The following CYFIP2 variants were observed in gnomAD, a reference collection of about 807,000 sequenced individuals.
The protein encoded by CYFIP2 is cytoplasmic FMR1 interacting protein 2, also known as cytoplasmic FMR1-interacting protein 2.
A neutral mutation model predicts 158.7 loss-of-function variants in CYFIP2; 29 were observed. The ratio of observed to expected loss-of-function variants is 0.18; its 90% CI spans 0.14 to 0.25. CYFIP2 has a LOEUF of 0.25. CYFIP2 is among the 10% of genes least tolerant of loss of function. CYFIP2 has a pLI of 1.00. For missense variants in CYFIP2, 852 were observed against 1,639.5 expected, an observed-to-expected ratio of 0.52 and a Z score of 8.29; for synonymous variants, 585 against 617.6, an observed-to-expected ratio of 0.95 and a Z score of 0.78.
rs901751779 is a variant in CYFIP2 at position 157,382,791 on chromosome 5, C to T, written c.3112+129C>T. ...AAGCTTTGGACACCTATTGAATAGC[C>T]ACAGAATCACAAATTGGAAGATGGA... On this transcript the variant is annotated intron_variant, in intron 27 of 30. Coordinates refer to ENST00000620254, the MANE Select transcript of CYFIP2 (RefSeq NM_001037333.3). 7.5e-6 allele frequency: 7 copies of T among 932,676 alleles called. No individual in the cohort carries two copies. In the African/African-American group the frequency reaches 8.3e-5, roughly 11 times the overall value. 57.8% of individuals were successfully genotyped at this position (932,676 alleles called of 1,614,324 possible). A position where few individuals can be genotyped will look rare whatever the true frequency, so the allele number is the denominator to read the frequency against.
intron 26 of CYFIP2, among the ~76,000 whole-genome samples, chr5:157,374,242 G>A (rs567446521): frequency 6.6e-6 from 1 of 152,130 alleles, no homozygotes; most frequent in Admixed American, 6.5e-5. Context: ...GTGACCCCAG[G>A]GCCATCACTA....
intron 3 of CYFIP2, 99 bp from the exon 4 acceptor site, chr5:157,294,684 G>T: frequency 2.2e-6 from 2 of 904,182 alleles, no homozygotes; most frequent in Non-Finnish European, 1.8e-6. Context: ...CATGCTGTGG[G>T]TCCATGGACC....
At chr5:157,343,218 C>T (rs1561747866) in intron 23 of CYFIP2, 2 of 1,614,138 alleles carry the variant, frequency 1.2e-6, no homozygotes, top group East Asian at 2.2e-5. Flanking sequence ...TGGGGGTCTA[C>T]CAGGGAGCTT....
chr5:157,331,007 T>C (rs535611500), intron 20 of CYFIP2, among the ~76,000 whole-genome samples, 157 bp downstream of exon 20: 1 of 152,310 alleles, frequency 6.6e-6, no homozygotes, highest in South Asian at 2.1e-4. Context: ...CAGGATCTCA[T>C]AAACAATAAA....
At chr5:157,342,791 C>T in intron 23 of CYFIP2, 3 of 1,438,966 alleles carry the variant, frequency 2.1e-6, no homozygotes, top group South Asian at 1.3e-5. Context: ...AGTCTATAGA[C>T]ACATTTGTAC....
intron 15 of CYFIP2, among the ~76,000 whole-genome samples, chr5:157,321,150 G>A (rs996189299): frequency 6.6e-6 from 1 of 152,228 alleles, no homozygotes; most frequent in African/African-American, 2.4e-5. Context: ...TTCCAAAGTG[G>A]AGGAGGAGGT....
chr5:157,289,194 G>A (rs573524368), intron 3 of CYFIP2, among the ~76,000 whole-genome samples: 2 of 152,248 alleles, frequency 1.3e-5, no homozygotes, highest in African/African-American at 2.4e-5. Flanking sequence ...CTCCTGTTCC[G>A]TGCTGTCTCA....
At chr5:157,273,545 G>C (rs1186261421) in intron 1 of CYFIP2, among the ~76,000 whole-genome samples, 1 of 152,132 alleles carries the variant, frequency 6.6e-6, no homozygotes, top group East Asian at 1.9e-4. Context: ...GCCCTGTATG[G>C]TCTAGTTCAC....
chr5:157,375,368 T>A (rs1765362723), intron 26 of CYFIP2, among the ~76,000 whole-genome samples: 2 of 152,194 alleles, frequency 1.3e-5, no homozygotes, highest in African/African-American at 4.8e-5. Context: ...CTGGAGACTC[T>A]TACACAGAAT....
chr5:157,323,724 G>A (rs949056184), intron 15 of CYFIP2, among the ~76,000 whole-genome samples, 197 bp from the exon 16 acceptor site: 6 of 152,196 alleles, frequency 3.9e-5, no homozygotes, highest in Admixed American at 3.3e-4. Context: ...GATGCCACGG[G>A]GCCCGGGTTG....
At chr5:157,309,967 G>A (rs749698322) in intron 10 of CYFIP2, 133 bp downstream of exon 10, 45 of 854,360 alleles carry the variant, frequency 5.3e-5, no homozygotes, top group Non-Finnish European at 7.3e-5. Flanking sequence ...CACAGGTGCC[G>A]GCCGGAGGGG....
intron 28 of CYFIP2, 96 bp downstream of exon 28, chr5:157,383,455 C>T: frequency 8.8e-7 from 1 of 1,137,456 alleles, no homozygotes; most frequent in Non-Finnish European, 1.3e-6. Flanking sequence ...GAAACTGAGG[C>T]TCAGAGAAGG....
Position 157,333,460 on chromosome 5 carries a change from A to G in CYFIP2, c.2385+14A>G. 1.2e-6 allele frequency: 2 copies of G among 1,613,842 alleles called. No homozygotes were observed. The highest frequency in any genetic ancestry group is 1.7e-6 in the Non-Finnish European group (2 of 1,179,830). ...ACCTCCATTGTGGTAAGAGTCTGGG[A>G]GCGTGTGGGATTTCTGCTCTGTGAT... On this transcript the variant is annotated intron_variant, in intron 21 of 30. Transcript: ENST00000620254.
At chr5:157,272,205 C>T (rs1417417109) in intron 1 of CYFIP2, among the ~76,000 whole-genome samples, 1 of 152,180 alleles carries the variant, frequency 6.6e-6, no homozygotes, top group East Asian at 1.9e-4. Context: ...TCTCCAGTGG[C>T]CCAAGTCGAG....
At chr5:157,387,357 G>A (rs989080063) in intron 28 of CYFIP2, among the ~76,000 whole-genome samples, 1 of 152,130 alleles carries the variant, frequency 6.6e-6, no homozygotes, top group African/African-American at 2.4e-5. Context: ...TAGTGGGTGG[G>A]GGGCACCAGA....
intron 6 of CYFIP2, among the ~76,000 whole-genome samples, chr5:157,301,615 G>A (rs1758754414): frequency 6.6e-6 from 1 of 152,152 alleles, no homozygotes; most frequent in African/African-American, 2.4e-5. Flanking sequence ...TTGGAGTGCA[G>A]GGTCTCTGCC....
At chr5:157,378,280 T>C (rs1336616985) in intron 26 of CYFIP2, among the ~76,000 whole-genome samples, 1 of 152,212 alleles carries the variant, frequency 6.6e-6, no homozygotes, top group Admixed American at 6.5e-5. Context: ...AAGGTATCAG[T>C]AATTTCCTAT....
intron 3 of CYFIP2, among the ~76,000 whole-genome samples, chr5:157,287,361 C>T (rs572240200): frequency 6.6e-6 from 1 of 152,208 alleles, no homozygotes; most frequent in Non-Finnish European, 1.5e-5. Flanking sequence ...CTCCACTACT[C>T]ACTTTCTTGA....
At chr5:157,348,394 G>A (rs949492793) in intron 23 of CYFIP2, among the ~76,000 whole-genome samples, 17 of 152,074 alleles carry the variant, frequency 1.1e-4, no homozygotes, top group African/African-American at 3.6e-4. Flanking sequence ...GACTACAGGT[G>A]TGCACTACCA....
Sources: gnomAD v4.1 joint callset for allele counts (sites outside exome capture counted in the v4.1 genomes callset) on GRCh38, gnomAD v4.1.1 for gene constraint, MANE v1.5 for transcripts, NCBI Gene and HGNC (gene_info 2026-07-23, HGNC 2026-07-21) for gene names.